Variants in HYDIN observed in about 807,000 individuals in gnomAD.
The protein encoded by HYDIN is axonemal central pair apparatus protein HYDIN.
Under a neutral mutation model 403.9 loss-of-function variants are expected in HYDIN, and 132 were observed. That is an observed-to-expected ratio of 0.33 (90% CI 0.28 to 0.38). HYDIN has a LOEUF of 0.38. Ranked by LOEUF, HYDIN falls within the 10% of genes least tolerant of loss-of-function variation. The probability of loss-of-function intolerance (pLI) is 1.00; values close to 1 mark genes in which losing one functional copy is unlikely to be tolerated. For missense variants in HYDIN, 2,827 were observed against 5,009.5 expected, an observed-to-expected ratio of 0.56 and a Z score of 13.15; for synonymous variants, 1,202 against 1,891.7, an observed-to-expected ratio of 0.64 and a Z score of 9.46.
intron 9 of HYDIN, among the ~76,000 whole-genome samples, chr16:71,124,304 T>A (rs573422525): frequency 6.6e-6 from 1 of 152,394 alleles, no homozygotes; most frequent in East Asian, 1.9e-4. Flanking sequence ...GAGGAAGGAC[T>A]TGCAGTTCTA....
intron 36 of HYDIN, among the ~76,000 whole-genome samples, chr16:70,967,233 T>C (rs1167046139): frequency 6.6e-6 from 1 of 152,188 alleles, no homozygotes; most frequent in Non-Finnish European, 1.5e-5. Flanking sequence ...TCACCATGCT[T>C]ATGGATAATA....
At chr16:71,198,655 C>T (rs1045534198) in intron 1 of HYDIN, among the ~76,000 whole-genome samples, 5 of 152,178 alleles carry the variant, frequency 3.3e-5, no homozygotes, top group Non-Finnish European at 1.5e-5. Flanking sequence ...CAGGGTCCCT[C>T]AGCTGTGGTG....
chr16:70,920,708 G>T lies in HYDIN; in HGVS notation c.7668C>A (p.His2556Gln), dbSNP rs773038982. The T allele has an allele frequency of 1.8e-5, 29 of 1,601,580 alleles. No individual in the cohort carries two copies. Among genetic ancestry groups the T allele is most frequent in the Non-Finnish European group, 2.4e-5 (28 of 1,173,526 alleles). The change falls in exon 46 of 86, where the codon CAC becomes CAA. Residue 2556 changes from histidine to glutamine, a missense_variant. Physicochemically the swap from His to Gln is conservative, Grantham distance 24. Coordinates refer to ENST00000393567, the MANE Select transcript of HYDIN (RefSeq NM_001270974.2). Reference sequence around the variant, plus strand: ...CCAGGTCCTTCTCCTTCTTCCCTTCGTGGTCCTCCTCCCCTTCCCCCTCCC... The same window carrying T: ...CCAGGTCCTTCTCCTTCTTCCCTTCTTGGTCCTCCTCCCCTTCCCCCTCCC... ...SDWEGEGEED[H>Q]EGKKEKDLGV... is the part of the protein sequence containing the mutation.
chr16:71,108,674 T>C (rs1391173174), intron 10 of HYDIN, among the ~76,000 whole-genome samples: 2 of 151,934 alleles, frequency 1.3e-5, no homozygotes, highest in Non-Finnish European at 2.9e-5. Context: ...GAAACATCAC[T>C]ATGTACCCCA....
Position 70,920,964 on chromosome 16 carries a change from A to G in HYDIN, c.7412T>C (p.Leu2471Pro). ...ELTLKDVQNI[L>P]MYWDRKQGVQ... ...TCCTTGCTTCCGGTCCCAGTACATGAGGATGTTCTGGACATCCTTCAGTGT... is the reference window on the plus strand; with the variant it reads ...TCCTTGCTTCCGGTCCCAGTACATGGGGATGTTCTGGACATCCTTCAGTGT... Residue 2471 changes from leucine to proline, a missense_variant, in exon 46 of 86, where the codon CTC (leucine) becomes CCC (proline). Coordinates refer to ENST00000393567, the MANE Select transcript of HYDIN (RefSeq NM_001270974.2). 6.2e-7 allele frequency: 1 copy of G among 1,603,366 alleles called. No individual in the cohort carries two copies.
intron 14 of HYDIN, 63 bp from the exon 15 acceptor site, chr16:71,067,453 G>C: frequency 3.3e-6 from 3 of 922,002 alleles, no homozygotes; most frequent in Non-Finnish European, 5.2e-6. Context: ...ACGGGGGAGG[G>C]GAGCCTCCGG....
At chr16:71,150,998 C>T (rs891038453) in intron 7 of HYDIN, among the ~76,000 whole-genome samples, 9 of 152,144 alleles carry the variant, frequency 5.9e-5, no homozygotes, top group Non-Finnish European at 1.2e-4. Context: ...TGATAGACAT[C>T]GCTTTACACC....
chr16:70,974,218 C>G lies in HYDIN; in HGVS notation c.4992G>C (p.Gly1664=), dbSNP rs754400907. ...CTTTGCTTCCAACAGGAAGATTGGC[C>G]CCCTGTGGGTCAAATCTCACTTCAA... ...EIFEVRFDPQ[G]ANLPVGSKEV... is the part of the protein sequence containing the mutation. The change falls in exon 33 of 86, where the codon GGG becomes GGC. Residue 1664 remains glycine (G), a synonymous_variant. Transcript: ENST00000393567. 6.3e-7 allele frequency: 1 copy of G among 1,583,810 alleles called. No homozygotes were observed. Among genetic ancestry groups the G allele is most frequent in the Non-Finnish European group, 8.6e-7 (1 of 1,164,488 alleles).
Position 71,069,354 on chromosome 16 carries a change from C to G in HYDIN, c.1887G>C (p.Lys629Asn). 6.2e-7 allele frequency: 1 copy of G among 1,614,140 alleles called. No individual in the cohort carries two copies. Among genetic ancestry groups the G allele is most frequent in the South Asian group, 1.1e-5 (1 of 91,078 alleles). ...HVDYKRPSWT[K>N]EEISSMKPKE... ...TTGGTTTCATTGAGGATATTTCTTC[C>G]TTGGTCCAAGATGGTCTTTTGTAGT... The change falls in exon 14 of 86, where the codon AAG (lysine) becomes AAC (asparagine). Residue 629 changes from lysine to asparagine, a missense_variant. Lys to Asn is a moderately conservative substitution (Grantham distance 94, BLOSUM62 0). Transcript: ENST00000393567.
intron 62 of HYDIN, among the ~76,000 whole-genome samples, chr16:70,878,743 G>A (rs1185068493): frequency 1.0e-3 from 145 of 142,160 alleles, no homozygotes; most frequent in Middle Eastern, 3.5e-3. Flanking sequence ...AGGCATTGCT[G>A]AAACCCAACT....
intron 6 of HYDIN, among the ~76,000 whole-genome samples, chr16:71,156,752 TTTC>T (rs1481387412): frequency 6.6e-6 from 1 of 151,828 alleles, no homozygotes; most frequent in Non-Finnish European, 1.5e-5. Context: ...TCAGATGATC[TTTC>T]TTGTTTAATT....
intron 7 of HYDIN, among the ~76,000 whole-genome samples, chr16:71,150,417 A>G (rs770458934): frequency 1.0e-3 from 159 of 151,694 alleles, no homozygotes; most frequent in Non-Finnish European, 1.9e-3. Context: ...AAATGAATGA[A>G]TAACAGTGCA....
At chr16:71,086,845 C>T (rs74336841) in intron 12 of HYDIN, among the ~76,000 whole-genome samples, 16,343 of 150,612 alleles carry the variant, frequency 0.11, 1,033 homozygotes, top group East Asian at 0.31. Flanking sequence ...GAGAACCACC[C>T]TTCACTGCTT....
chr16:71,195,572 C>T (rs80190529), intron 1 of HYDIN, among the ~76,000 whole-genome samples: 4,999 of 152,244 alleles, frequency 0.033, 110 homozygotes, highest in Middle Eastern at 0.058. Context: ...AATCCTGCTT[C>T]ATCTTCTAGC....
chr16:71,030,209 C>A (rs1415951179), intron 19 of HYDIN, among the ~76,000 whole-genome samples: 1 of 151,872 alleles, frequency 6.6e-6, no homozygotes, highest in Admixed American at 6.6e-5. Flanking sequence ...TGACATCATG[C>A]GAGGCTAATT....
intron 23 of HYDIN, among the ~76,000 whole-genome samples, chr16:71,005,424 G>A (rs1477617998): frequency 3.3e-5 from 5 of 151,888 alleles, no homozygotes; most frequent in African/African-American, 1.2e-4. Context: ...TTTGCTATAC[G>A]ATCACATGGT....
chr16:70,976,255 G>A (rs2144000139), intron 30 of HYDIN, among the ~76,000 whole-genome samples: 1 of 152,392 alleles, frequency 6.6e-6, no homozygotes, highest in Non-Finnish European at 1.5e-5. Context: ...AGGAGGGGCA[G>A]ACTTCCTTCT....
chr16:70,826,654 T>C (rs932632172), intron 83 of HYDIN, among the ~76,000 whole-genome samples: 3 of 148,306 alleles, frequency 2.0e-5, no homozygotes, highest in Non-Finnish European at 2.9e-5. Context: ...AGCATCCTAT[T>C]CAGTTATTGT....
chr16:71,127,844 T>C (rs2084534537), intron 9 of HYDIN, among the ~76,000 whole-genome samples: 1 of 152,086 alleles, frequency 6.6e-6, no homozygotes, highest in Admixed American at 6.5e-5. Flanking sequence ...CTTGACCTTT[T>C]CCATATCTCT....
Sources: allele counts gnomAD v4.1 joint callset (sites outside exome capture counted in the v4.1 genomes callset), GRCh38; gene constraint gnomAD v4.1.1; transcripts MANE v1.5; gene names NCBI Gene and HGNC (gene_info 2026-07-23, HGNC 2026-07-21).